KCNH1: variants seen among roughly 807,000 people sequenced by gnomAD.
KCNH1 encodes potassium voltage-gated channel subfamily H member 1.
A neutral mutation model predicts 69.2 loss-of-function variants in KCNH1; 27 were observed. The observed-to-expected ratio is 0.39, with a 90% CI of 0.29 to 0.54. KCNH1 has a LOEUF of 0.54. Ranked by LOEUF, KCNH1 falls within the 20% of genes least tolerant of loss-of-function variation. KCNH1 has a pLI of 0.68. For missense variants in KCNH1, 798 were observed against 1,261.6 expected (o/e 0.63, Z 5.57); for synonymous variants, 456 against 487.7 (o/e 0.93, Z 0.86).
chr1:210,932,359 G>A (rs1045137435), intron 6 of KCNH1, among the ~76,000 whole-genome samples: 13 of 152,026 alleles, frequency 8.6e-5, no homozygotes, highest in Non-Finnish European at 1.8e-4. Flanking sequence ...CACTGGCTGG[G>A]CAGATATACA....
chr1:210,871,309 C>T (rs1319327409), intron 7 of KCNH1, among the ~76,000 whole-genome samples: 1 of 152,196 alleles, frequency 6.6e-6, no homozygotes, highest in African/African-American at 2.4e-5. Context: ...AAATGCTCAC[C>T]ATCACTGGCC....
At chr1:210,860,935 C>G (rs1235121269) in intron 7 of KCNH1, 5 of 950,372 alleles carry the variant, frequency 5.3e-6, no homozygotes, top group Admixed American at 5.1e-5. Flanking sequence ...CTGATCATTA[C>G]AGATCTTTTT....
chr1:211,107,945 A>G (rs921225060), intron 1 of KCNH1, among the ~76,000 whole-genome samples: 28 of 152,046 alleles, frequency 1.8e-4, no homozygotes, highest in Admixed American at 1.8e-3. Flanking sequence ...TAGTAACTAG[A>G]CTCTCTTAAT....
chr1:210,968,567 A>G (rs1383498421), intron 6 of KCNH1, among the ~76,000 whole-genome samples: 33 of 150,072 alleles, frequency 2.2e-4, no homozygotes, highest in Middle Eastern at 3.4e-3. Flanking sequence ...ATTCTAACTG[A>G]TGTGAGATGG....
chr1:210,847,254 C>T (rs1344243940), intron 7 of KCNH1, among the ~76,000 whole-genome samples: 2 of 152,182 alleles, frequency 1.3e-5, no homozygotes, highest in South Asian at 2.1e-4. Flanking sequence ...GACTACAAAT[C>T]GTGCTGCTAT....
chr1:210,781,404 A>T (rs1683981295), intron 9 of KCNH1, among the ~76,000 whole-genome samples: 1 of 152,098 alleles, frequency 6.6e-6, no homozygotes, highest in Non-Finnish European at 1.5e-5. Context: ...GGGTATCAGG[A>T]AGTCCTTTGT....
chr1:210,717,017 TC>T (rs1337639841), intron 10 of KCNH1, among the ~76,000 whole-genome samples: 4 of 152,338 alleles, frequency 2.6e-5, no homozygotes, highest in Non-Finnish European at 5.9e-5. Flanking sequence ...GTTTATATCT[TC>T]CATTTGAGTT....
chr1:210,897,843 A>G (rs540085916), intron 7 of KCNH1, among the ~76,000 whole-genome samples: 47 of 152,334 alleles, frequency 3.1e-4, no homozygotes, highest in African/African-American at 1.1e-3. Context: ...GCTGAGAGGC[A>G]GAAGCAGGAA....
intron 9 of KCNH1, among the ~76,000 whole-genome samples, chr1:210,791,362 G>A (rs1684209039): frequency 6.6e-6 from 1 of 152,198 alleles, no homozygotes; most frequent in Non-Finnish European, 1.5e-5. Context: ...TATAGATTCA[G>A]AACCTGTGGG....
chr1:210,681,834 CCT>C lies in KCNH1; in HGVS notation c.*1445_*1446del. 1 of 152,372 alleles carries C rather than the reference CCT, an allele frequency of 6.6e-6. No homozygotes were observed. The highest frequency in any genetic ancestry group is 1.5e-5 in the Non-Finnish European group (1 of 68,064). 9.4% of individuals were successfully genotyped at this position (152,372 alleles called of 1,614,324 possible). ...CGTGTCAGTATTTGGGGTCCTGACA[CCT>C]CTCTCTAGGGCATATGCCCCGGCCA... On this transcript the variant is annotated 3_prime_UTR_variant, in exon 11 of 11. Coordinates refer to ENST00000271751, the MANE Select transcript of KCNH1 (RefSeq NM_172362.3).
intron 5 of KCNH1, among the ~76,000 whole-genome samples, chr1:211,072,068 G>A (rs1690654548): frequency 6.6e-6 from 1 of 152,134 alleles, no homozygotes; most frequent in Admixed American, 6.5e-5. Context: ...CTGAGGTCAG[G>A]AGTTCAAGAC....
chr1:210,885,496 GT>G (rs34976360), intron 7 of KCNH1, among the ~76,000 whole-genome samples: 16 of 150,240 alleles, frequency 1.1e-4, no homozygotes, highest in Non-Finnish European at 1.5e-4. Context: ...TTGGGCAGGA[GT>G]TTTTTTTTTC....
intron 7 of KCNH1, among the ~76,000 whole-genome samples, chr1:210,851,107 G>C (rs551553002): frequency 6.6e-6 from 1 of 152,322 alleles, no homozygotes; most frequent in African/African-American, 2.4e-5. Context: ...AGAAAAAGGA[G>C]TTAATCCAGC....
At chr1:210,922,050 G>A (rs1389348627) in intron 6 of KCNH1, among the ~76,000 whole-genome samples, 1 of 151,940 alleles carries the variant, frequency 6.6e-6, no homozygotes, top group African/African-American at 2.4e-5. Flanking sequence ...TTTTGTTGAG[G>A]TGAGGATGGA....
intron 1 of KCNH1, among the ~76,000 whole-genome samples, chr1:211,114,720 TG>T (rs1691535696): frequency 6.6e-6 from 1 of 152,182 alleles, no homozygotes; most frequent in South Asian, 2.1e-4. Flanking sequence ...TGCACACAGA[TG>T]GGCGTTCTAC....
chr1:211,079,351 C>A (rs143139035), intron 5 of KCNH1, among the ~76,000 whole-genome samples: 2 of 152,082 alleles, frequency 1.3e-5, no homozygotes, highest in African/African-American at 2.4e-5. Context: ...AAAAACTCCA[C>A]GACCAGATGG....
chr1:211,092,468 A>T (rs1366765826), intron 3 of KCNH1, among the ~76,000 whole-genome samples: 2 of 152,212 alleles, frequency 1.3e-5, no homozygotes, highest in Admixed American at 1.3e-4. Flanking sequence ...TCTATAGTTA[A>T]TTTTAACCTT....
chr1:210,791,480 A>G (rs1209632474), intron 9 of KCNH1, among the ~76,000 whole-genome samples: 1 of 152,174 alleles, frequency 6.6e-6, no homozygotes, highest in South Asian at 2.1e-4. Context: ...TACTTTACTC[A>G]TGCTGGTCCC....
At chr1:210,785,305 G>A (rs1684073453) in intron 9 of KCNH1, among the ~76,000 whole-genome samples, 1 of 151,950 alleles carries the variant, frequency 6.6e-6, no homozygotes, top group South Asian at 2.1e-4. Context: ...GGATGGTTGG[G>A]AAGGAAGACA....
Sources: gnomAD v4.1 joint callset for allele counts (sites outside exome capture counted in the v4.1 genomes callset) on GRCh38, gnomAD v4.1.1 for gene constraint, MANE v1.5 for transcripts, NCBI Gene and HGNC (gene_info 2026-07-23, HGNC 2026-07-21) for gene names.